TULP4: variants seen among roughly 807,000 people sequenced by gnomAD.
The protein encoded by TULP4 is TUB like protein 4.
Under a neutral mutation model 129.0 loss-of-function variants are expected in TULP4, and 16 were observed. The ratio of observed to expected loss-of-function variants is 0.12; its 90% CI spans 0.08 to 0.19. TULP4 has a LOEUF of 0.19. TULP4 is among the 10% of genes least tolerant of loss of function. The pLI is 1.00. For synonymous variants in TULP4, 998 were observed against 854.0 expected (o/e 1.17, Z -2.94); for missense variants, 1,842 against 2,059.1 (o/e 0.89, Z 2.04).
chr6:158,232,223 CGGCGGCGGCGGCGATGCGGGGCTGCTGGA>C, exon 1 of TULP4: 1 of 148,014 alleles, frequency 6.8e-6, no homozygotes, highest in Non-Finnish European at 1.5e-5. Flanking sequence ...CGGGGGGAGG[CGGCGGCGGCGGCGATGCGGGGCTGCTGGA>C]GGCGGAGAGG....
chr6:158,244,233 A>G (rs2128448180), intron 1 of TULP4, among the ~76,000 whole-genome samples: 1 of 152,222 alleles, frequency 6.6e-6, no homozygotes. Context: ...ATATGATGAG[A>G]TGTTTCAGGT....
intron 1 of TULP4, among the ~76,000 whole-genome samples, chr6:158,315,114 G>C (rs527906297): frequency 4.6e-5 from 7 of 152,132 alleles, no homozygotes; most frequent in Non-Finnish European, 7.3e-5. Flanking sequence ...GTCATTAAAT[G>C]GTTATTAAAT....
At chr6:158,294,371 A>G (rs1778994282) in intron 1 of TULP4, among the ~76,000 whole-genome samples, 1 of 152,046 alleles carries the variant, frequency 6.6e-6, no homozygotes, top group African/African-American at 2.4e-5. Context: ...TCAAAAAAAA[A>G]AATAAAAAAA....
At chr6:158,325,688 T>C (rs928741760) in intron 1 of TULP4, among the ~76,000 whole-genome samples, 2 of 152,168 alleles carry the variant, frequency 1.3e-5, no homozygotes, top group African/African-American at 4.8e-5. Flanking sequence ...TAGGAATTCT[T>C]ATTTTGAATA....
intron 1 of TULP4, among the ~76,000 whole-genome samples, chr6:158,250,411 C>T (rs1485743825): frequency 6.6e-6 from 1 of 152,162 alleles, no homozygotes; most frequent in Non-Finnish European, 1.5e-5. Context: ...CTGCCTTGGC[C>T]TCCCAAAGTG....
intron 6 of TULP4, among the ~76,000 whole-genome samples, chr6:158,467,202 T>C (rs1218329561): frequency 6.6e-6 from 1 of 152,104 alleles, no homozygotes; most frequent in African/African-American, 2.4e-5. Context: ...TACATCCTTT[T>C]GTCTTCCTTG....
intron 1 of TULP4, among the ~76,000 whole-genome samples, chr6:158,340,088 G>A (rs766551570): frequency 1.3e-5 from 2 of 152,180 alleles, no homozygotes; most frequent in Non-Finnish European, 1.5e-5. Flanking sequence ...GGATCTGCTC[G>A]TGCAAGGTGA....
At chr6:158,352,692 G>T (rs1239747420) in intron 1 of TULP4, among the ~76,000 whole-genome samples, 1 of 152,190 alleles carries the variant, frequency 6.6e-6, no homozygotes, top group Non-Finnish European at 1.5e-5. Context: ...ACCGTGCCTG[G>T]CCCCGATACT....
At chr6:158,425,136 AGAGT>A (rs1362307786) in intron 2 of TULP4, among the ~76,000 whole-genome samples, 1 of 118,136 alleles carries the variant, frequency 8.5e-6, no homozygotes, top group Non-Finnish European at 1.7e-5. Flanking sequence ...CCTGGGTGGC[AGAGT>A]GAGACACCAT....
chr6:158,241,545 C>T (rs1777911631), intron 1 of TULP4, among the ~76,000 whole-genome samples: 1 of 152,108 alleles, frequency 6.6e-6, no homozygotes, highest in African/African-American at 2.4e-5. Flanking sequence ...GGGCTGGAGA[C>T]CGCCCGGCCA....
intron 1 of TULP4, among the ~76,000 whole-genome samples, chr6:158,359,710 C>A (rs901069378): frequency 2.6e-5 from 4 of 152,158 alleles, no homozygotes; most frequent in African/African-American, 9.7e-5. Flanking sequence ...CAGACACACC[C>A]AGGAACAATA....
intron 1 of TULP4, among the ~76,000 whole-genome samples, chr6:158,387,568 G>A (rs530843971): frequency 2.0e-5 from 3 of 152,326 alleles, no homozygotes; most frequent in South Asian, 2.1e-4. Context: ...ACCATGGTGT[G>A]TTTTCCATCA....
chr6:158,390,206 A>C (rs75661937), intron 1 of TULP4, among the ~76,000 whole-genome samples: 5,466 of 152,296 alleles, frequency 0.036, 107 homozygotes, highest in Non-Finnish European at 0.04. Context: ...GGTATTCTCT[A>C]TGAACTATTT....
At chr6:158,383,365 A>G (rs1777371568) in intron 1 of TULP4, among the ~76,000 whole-genome samples, 1 of 152,126 alleles carries the variant, frequency 6.6e-6, no homozygotes, top group African/African-American at 2.4e-5. Context: ...GATTATATCT[A>G]CTTCTATGGT....
At chr6:158,265,161 G>A (rs563354230) in intron 1 of TULP4, among the ~76,000 whole-genome samples, 1 of 152,292 alleles carries the variant, frequency 6.6e-6, no homozygotes, top group Non-Finnish European at 1.5e-5. Context: ...TTGCAGATGG[G>A]AAAGCTGACT....
At chr6:158,354,390 C>G (rs1367451122) in intron 1 of TULP4, among the ~76,000 whole-genome samples, 1 of 152,170 alleles carries the variant, frequency 6.6e-6, no homozygotes, top group Admixed American at 6.5e-5. Flanking sequence ...GGCATACATT[C>G]TGTCGTACTC....
chr6:158,310,703 T>C (rs2128481704), upstream of TULP4, among the ~76,000 whole-genome samples: 1 of 151,968 alleles, frequency 6.6e-6, no homozygotes, highest in Middle Eastern at 3.4e-3. Flanking sequence ...GCATGAGATT[T>C]GGAGGGGCCA....
intron 6 of TULP4, among the ~76,000 whole-genome samples, chr6:158,475,793 A>G (rs1003981291): frequency 1.3e-5 from 2 of 152,262 alleles, no homozygotes; most frequent in South Asian, 2.1e-4. Flanking sequence ...CTGTGGCCAC[A>G]TGCAGTTAGC....
At chr6:158,396,019 C>T (rs760547877) in intron 1 of TULP4, among the ~76,000 whole-genome samples, 6 of 152,130 alleles carry the variant, frequency 3.9e-5, no homozygotes, top group Non-Finnish European at 8.8e-5. Context: ...CCTGGCTCCA[C>T]CATTTAACAG....
Sources: gnomAD v4.1 joint callset for allele counts (sites outside exome capture counted in the v4.1 genomes callset) on GRCh38, gnomAD v4.1.1 for gene constraint, MANE v1.5 for transcripts, NCBI Gene and HGNC (gene_info 2026-07-23, HGNC 2026-07-21) for gene names.